The following ANKRD62 variants were observed in gnomAD, a reference collection of about 807,000 sequenced individuals.
The protein encoded by ANKRD62 is ankyrin repeat domain 62.
In ANKRD62, 61 loss-of-function variants were observed where a neutral mutation model predicts 98.8. The observed-to-expected ratio is 0.62, with a 90% CI of 0.50 to 0.76. The LOEUF (loss-of-function observed/expected upper bound fraction) is 0.76. ANKRD62 is among the 30% of genes least tolerant of loss of function. The probability of loss-of-function intolerance (pLI) is 0.00; values close to 1 mark genes in which losing one functional copy is unlikely to be tolerated. For missense variants in ANKRD62, 933 were observed against 1,082.9 expected (o/e 0.86, Z 1.94); for synonymous variants, 341 against 367.9 (o/e 0.93, Z 0.84).
intron 8 of ANKRD62, among the ~76,000 whole-genome samples, chr18:12,113,933 T>C (rs1909602684): frequency 6.6e-6 from 1 of 152,224 alleles, no homozygotes; most frequent in South Asian, 2.1e-4. Context: ...ATGTGGTACA[T>C]ATATACCAGG....
chr18:12,107,374 A>G lies in ANKRD62; in HGVS notation c.971A>G (p.Tyr324Cys), dbSNP rs574585684. The G allele has an allele frequency of 6.6e-6, 10 of 1,526,068 alleles. No homozygotes were observed. The highest frequency in any genetic ancestry group is 5.5e-5 in the African/African-American group (4 of 72,348). The allele number at this position is 1,526,068 out of a possible 1,614,324, so 94.5% of individuals were successfully genotyped here. Reference sequence around the variant, plus strand: ...GTACATGCTGATGACAGTGACAATTATAATGATGATGTTGATGAATTAATT... The same window carrying G: ...GTACATGCTGATGACAGTGACAATTGTAATGATGATGTTGATGAATTAATT... The part of the protein sequence containing the change: ...RNVHADDSDN[Y>C]NDDVDELIHK... The change falls in exon 8 of 14, where the codon TAT (tyrosine) becomes TGT (cysteine). Residue 324 changes from tyrosine to cysteine, a missense_variant. Transcript: ENST00000587848.
At chr18:12,150,470 C>A in the ANKRD62 span, among the ~76,000 whole-genome samples, 1 of 152,114 alleles carries the variant, frequency 6.6e-6, no homozygotes, top group African/African-American at 2.4e-5. Flanking sequence ...AGATTTTACA[C>A]ACGAATACCA....
At position 12,094,089 on chromosome 18, in the gene ANKRD62, G is replaced by C. The variant is rs200745335; in HGVS notation, c.72G>C (p.Lys24Asn). The C allele has an allele frequency of 1.8e-4, 283 of 1,534,926 alleles. 2 individuals are homozygous for C. The highest frequency in any genetic ancestry group is 3.3e-4 in the Middle Eastern group (2 of 6,012). ...CTACCTGGAGGAAGAATCGTGACAA[G>C]GATGGCTTCTCAAATCCCGGGTACC... ...RMATWRKNRD[K>N]DGFSNPGYRV... Residue 24 changes from lysine (K) to asparagine (N), a missense_variant, in exon 1 of 14, where the codon AAG becomes AAC. Lys to Asn is a moderately conservative substitution (Grantham distance 94). This residue lies in a region of ANKRD62 where 549 missense variants were observed against 587.9 expected (regional missense o/e 0.93). Transcript: ENST00000587848.
the ANKRD62 span, among the ~76,000 whole-genome samples, chr18:12,151,117 A>G: frequency 6.6e-6 from 1 of 152,214 alleles, no homozygotes; most frequent in Non-Finnish European, 1.5e-5. Context: ...TGGAAAACAG[A>G]AAAAAGCAGG....
At chr18:12,145,372 C>T in the ANKRD62 span, among the ~76,000 whole-genome samples, 5 of 152,228 alleles carry the variant, frequency 3.3e-5, no homozygotes, top group African/African-American at 4.8e-5. Flanking sequence ...ATTTCTCCTT[C>T]TGGTATGTTC....
At chr18:12,178,600 G>A in the ANKRD62 span, among the ~76,000 whole-genome samples, 5 of 145,992 alleles carry the variant, frequency 3.4e-5, no homozygotes, top group African/African-American at 5.2e-5. Context: ...AAATATAATC[G>A]AGGTATATTT....
intron 10 of ANKRD62, among the ~76,000 whole-genome samples, chr18:12,121,201 A>C (rs1909775305): frequency 6.6e-6 from 1 of 152,154 alleles, no homozygotes; most frequent in Non-Finnish European, 1.5e-5. Context: ...TCATGCCTTC[A>C]CTTATTGTCT....
intron 10 of ANKRD62, among the ~76,000 whole-genome samples, chr18:12,120,221 C>A (rs1568064567): frequency 6.6e-6 from 1 of 152,144 alleles, no homozygotes; most frequent in Non-Finnish European, 1.5e-5. Context: ...CTATCACTTC[C>A]TGAGTAAAGG....
chr18:12,146,808 A>G, the ANKRD62 span, among the ~76,000 whole-genome samples: 16 of 152,358 alleles, frequency 1.1e-4, no homozygotes, highest in Admixed American at 1.0e-3. Flanking sequence ...ACTTCCTGGC[A>G]GGGGTCTTCA....
At chr18:12,113,508 C>T (rs752600341) in intron 8 of ANKRD62, among the ~76,000 whole-genome samples, 60 of 152,208 alleles carry the variant, frequency 3.9e-4, no homozygotes, top group Non-Finnish European at 6.8e-4. Context: ...CGCCTATAAT[C>T]CCTGCTACAC....
chr18:12,165,364 T>G, the ANKRD62 span, among the ~76,000 whole-genome samples: 1 of 152,032 alleles, frequency 6.6e-6, no homozygotes, highest in South Asian at 2.1e-4. Context: ...CCTATCTTCC[T>G]TTTAGTAAAA....
chr18:12,172,820 C>T, the ANKRD62 span, among the ~76,000 whole-genome samples: 1 of 152,208 alleles, frequency 6.6e-6, no homozygotes, highest in South Asian at 2.1e-4. Context: ...GACTCCCCTC[C>T]CCCAACCTCA....
chr18:12,124,531 C>T (rs1909848770), intron 12 of ANKRD62, among the ~76,000 whole-genome samples: 1 of 151,794 alleles, frequency 6.6e-6, no homozygotes, highest in African/African-American at 2.4e-5. Flanking sequence ...CAATGATATC[C>T]CATAATATAT....
chr18:12,095,548 G>A lies in ANKRD62; in HGVS notation c.445G>A (p.Glu149Lys). Residue 149 changes from glutamate to lysine, a missense_variant, in exon 3 of 14, where the codon GAG (glutamate) becomes AAG (lysine). Physicochemically the swap from Glu to Lys is moderately conservative, Grantham distance 56 (BLOSUM62 1). Transcript: ENST00000587848. ...NTALHYAIDN[E>K]NISMARKLLA... ...TGCTCTGCACTATGCCATTGATAAT[G>A]AGAATATATCAATGGCAAGAAAACT... The A allele has an allele frequency of 6.5e-7, 1 of 1,549,890 alleles. No homozygotes were observed. The highest frequency in any genetic ancestry group is 8.7e-7 in the Non-Finnish European group (1 of 1,153,612).
chr18:12,122,300 C>A lies in ANKRD62; in HGVS notation c.1241-3C>A. ...TCTCTATTTTGTCTTCTCCTGGTAA[C>A]AGATTTTGTTAGCCTATCGAAAAGC... On this transcript the variant is annotated splice_region_variant and splice_polypyrimidine_tract_variant and intron_variant, in intron 10 of 13. Coordinates refer to ENST00000587848, the MANE Select transcript of ANKRD62 (RefSeq NM_001277333.2). 2.0e-6 allele frequency: 3 copies of A among 1,531,430 alleles called. No individual in the cohort carries two copies. The highest frequency in any genetic ancestry group is 2.6e-6 in the Non-Finnish European group (3 of 1,145,532). 94.9% of individuals were successfully genotyped at this position (1,531,430 alleles called of 1,614,324 possible). A position where few individuals can be genotyped will look rare whatever the true frequency, so the allele number is the denominator to read the frequency against.
In ANKRD62 at chr18:12,127,779, A is replaced by T. The variant is rs776030601; in HGVS notation, c.2594A>T (p.Asp865Val). The change falls in exon 14 of 14, where the codon GAT becomes GTT. Residue 865 changes from aspartate to valine, a missense_variant. Coordinates refer to ENST00000587848, the MANE Select transcript of ANKRD62 (RefSeq NM_001277333.2). ...VVRRQLQREV[D>V]DALNKQLLLE... ...AGGAGACAGCTTCAACGAGAAGTGG[A>T]TGATGCCCTGAACAAACAATTGCTG... 2 of 1,470,746 alleles carry T rather than the reference A, an allele frequency of 1.4e-6. No homozygotes were observed. Among genetic ancestry groups the T allele is most frequent in the East Asian group, 5.2e-5 (2 of 38,628 alleles). 91.1% of individuals were successfully genotyped at this position (1,470,746 alleles called of 1,614,324 possible).
intron 8 of ANKRD62, among the ~76,000 whole-genome samples, chr18:12,109,376 G>A (rs1350400159): frequency 6.6e-6 from 1 of 152,200 alleles, no homozygotes; most frequent in Admixed American, 6.5e-5. Flanking sequence ...CTGTGCCTTG[G>A]CCCTTTTTAT....
chr18:12,109,950 C>CA (rs10588166), intron 8 of ANKRD62, among the ~76,000 whole-genome samples: 17,296 of 124,426 alleles, frequency 0.14, 1,371 homozygotes, highest in Non-Finnish European at 0.19. Context: ...TCACTGTTAC[C>CA]AAAAAAAAAA....
At chr18:12,100,279 G>A (rs4350638) in intron 6 of ANKRD62, among the ~76,000 whole-genome samples, 133,638 of 152,170 alleles carry the variant, frequency 0.88, 58,836 homozygotes, top group Middle Eastern at 0.98. Context: ...AACTAGAGAA[G>A]AAGAAACTTA....
Sources: gnomAD v4.1 joint callset for allele counts (sites outside exome capture counted in the v4.1 genomes callset) on GRCh38, gnomAD v4.1.1 for gene constraint, gnomAD v4.1.1 regional missense constraint, MANE v1.5 for transcripts, NCBI Gene and HGNC (gene_info 2026-07-23, HGNC 2026-07-21) for gene names.